GRM4: variants seen among roughly 807,000 people sequenced by gnomAD.
GRM4 encodes metabotropic glutamate receptor 4.
In GRM4, 28 loss-of-function variants were observed where a neutral mutation model predicts 81.7. The observed-to-expected ratio is 0.34, with a 90% confidence interval of 0.25 to 0.47. The LOEUF is 0.47. Ranked by LOEUF, GRM4 falls within the 20% of genes least tolerant of loss-of-function variation. GRM4 has a pLI of 1.00. For synonymous variants in GRM4, 488 were observed against 528.8 expected, an observed-to-expected ratio of 0.92 and a Z score of 1.06; for missense variants, 948 against 1,290.0, an observed-to-expected ratio of 0.73 and a Z score of 4.06.
rs923546741 is a variant in GRM4, at chr6:34,068,975, G to A, written c.737-6947C>T. On this transcript the variant is annotated intron_variant, in intron 3 of 10. Coordinates refer to ENST00000538487, the MANE Select transcript of GRM4 (RefSeq NM_000841.4). This position sits in a 1 kb window ranked among gnomAD's most constrained non-coding sequence, Gnocchi z 4.2. ...TAAAAAGAGAGGAAAATAATGAAAA[G>A]ACAAACCCTAGGAATTCAAGTGGAA... 6.6e-6 allele frequency among the ~76,000 whole-genome samples: 1 copy of A among 151,964 alleles called. No individual in the cohort carries two copies. Among genetic ancestry groups the A allele is most frequent in the African/African-American group, 2.4e-5 (1 of 41,350 alleles).
rs760960528 is a variant in GRM4, at chr6:34,036,288, T to C, written c.1822A>G (p.Thr608Ala). The change falls in exon 9 of 11, where the codon ACC becomes GCC. Residue 608 changes from threonine to alanine, a missense_variant. By Grantham distance (58) the Thr-to-Ala change is moderately conservative. Coordinates refer to ENST00000538487, the MANE Select transcript of GRM4 (RefSeq NM_000841.4). The surrounding 1 kb of genome is among the most constrained non-coding windows in gnomAD (Gnocchi z 9.0). ...GGCGTGTCGTTGTAGCGCACAAAGGTGATCACCACGAACAACGTGGCAGCG... is the reference window on the plus strand; with the variant it reads ...GGCGTGTCGTTGTAGCGCACAAAGGCGATCACCACGAACAACGTGGCAGCG... ...GIAATLFVVI[T>A]FVRYNDTPIV... 6.2e-7 allele frequency: 1 copy of C among 1,613,880 alleles called. No individual in the cohort carries two copies.
chr6:34,085,727 A>G (rs1272991208), intron 3 of GRM4, among the ~76,000 whole-genome samples: 4 of 152,210 alleles, frequency 2.6e-5, no homozygotes, highest in African/African-American at 9.6e-5. Flanking sequence ...ACAGATTAAA[A>G]TCTCTGCCTT....
At chr6:34,023,172 G>C (rs1763973773) in intron 10 of GRM4, among the ~76,000 whole-genome samples, 3 of 152,202 alleles carry the variant, frequency 2.0e-5, no homozygotes, top group African/African-American at 7.2e-5. Flanking sequence ...TTGTACTCTA[G>C]AGATGACTCC....
chr6:34,143,091 T>C (rs776000988), intron 1 of GRM4, among the ~76,000 whole-genome samples: 4 of 152,200 alleles, frequency 2.6e-5, no homozygotes, highest in Non-Finnish European at 4.4e-5. Flanking sequence ...GTCCCTGAAG[T>C]GGCTAAGGTG....
At chr6:34,031,982 A>AAC (rs143044272) in intron 9 of GRM4, among the ~76,000 whole-genome samples, 25 of 147,166 alleles carry the variant, frequency 1.7e-4, no homozygotes, top group East Asian at 1.2e-3. Flanking sequence ...CACACACACA[A>AAC]ACACACACAC....
At chr6:34,026,796 C>T (rs1350467785) in intron 10 of GRM4, among the ~76,000 whole-genome samples, 1 of 152,182 alleles carries the variant, frequency 6.6e-6, no homozygotes, top group African/African-American at 2.4e-5. Flanking sequence ...CAGGGTGTCA[C>T]CTCCGGGAGG....
rs3222082 is a variant in GRM4, at chr6:34,069,647, AGTGTGTGTGTGTGT to A, written c.737-7633_737-7620del. 1.5e-3 allele frequency among the ~76,000 whole-genome samples: 220 copies of A among 144,496 alleles called. 1 individual carries two copies. Among genetic ancestry groups the A allele is most frequent in the Middle Eastern group, 6.9e-3 (2 of 288 alleles). 94.8% of individuals were successfully genotyped at this position (144,496 alleles called of 152,430 possible). A position where few individuals can be genotyped will look rare whatever the true frequency, so the allele number is the denominator to read the frequency against. ...GGCTTTACAACCCTTGGCAGCCCCC[AGTGTGTGTGTGTGT>A]GTGTGTGTGTGTGTGTGTGTGTGTG... is the stretch of plus-strand genomic sequence containing the variant. On this transcript the variant is annotated intron_variant, in intron 3 of 10. Coordinates refer to ENST00000538487, the MANE Select transcript of GRM4 (RefSeq NM_000841.4). The surrounding 1 kb of genome is among the most constrained non-coding windows in gnomAD (Gnocchi z 6.4).
intron 6 of GRM4, chr6:34,054,168 T>C (rs1050374393): frequency 5.3e-5 from 8 of 151,438 alleles, no homozygotes; most frequent in African/African-American, 1.9e-4. Context: ...TCTTTTTTTT[T>C]TTTTTTTTTT....
At chr6:34,024,116 G>A (rs1280035165) in intron 10 of GRM4, 1 of 152,764 alleles carries the variant, frequency 6.5e-6, no homozygotes, top group Non-Finnish European at 1.5e-5. Flanking sequence ...AAGTGTGGTG[G>A]TCTACAAATT....
chr6:34,056,432 CCACGGCCGGCCGACGA>C, intron 6 of GRM4, 96 bp downstream of exon 6: 4 of 1,001,642 alleles, frequency 4.0e-6, no homozygotes, highest in Non-Finnish European at 5.8e-6. Context: ...GCACGTCCTG[CCACGGCCGGCCGACGA>C]CAGACAAAGG....
intron 2 of GRM4, among the ~76,000 whole-genome samples, chr6:34,120,829 T>G (rs189009877): frequency 2.0e-5 from 3 of 152,146 alleles, no homozygotes; most frequent in Non-Finnish European, 2.9e-5. Context: ...CTCCTGACCT[T>G]GTGATCCGCC....
chr6:34,133,776 G>T lies in GRM4; in HGVS notation c.-280C>A. The T allele has an allele frequency of 8.2e-7, 1 of 1,212,776 alleles. No individual in the cohort carries two copies. The highest frequency in any genetic ancestry group is 4.0e-5 in the South Asian group (1 of 24,898). 75.1% of individuals were successfully genotyped at this position (1,212,776 alleles called of 1,614,324 possible). ...TCCTGCAGGCCTGTTCTCGGTGGAT[G>T]ACTGTGGAAAGGGCAGAATGCTCCT... On this transcript the variant is annotated 5_prime_UTR_variant, in exon 2 of 11. An upstream open reading frame in the 5' UTR gains an earlier in-frame stop. Transcript: ENST00000538487. This position sits in a 1 kb window ranked among gnomAD's most constrained non-coding sequence, Gnocchi z 6.5.
chr6:34,150,390 T>C (rs937945161), upstream of GRM4, among the ~76,000 whole-genome samples: 11 of 151,606 alleles, frequency 7.3e-5, no homozygotes, highest in African/African-American at 2.4e-4. Flanking sequence ...AGAGTGGGGG[T>C]GCAGGACAGA....
chr6:34,055,784 G>A (rs1448530180), intron 6 of GRM4: 1 of 152,180 alleles, frequency 6.6e-6, no homozygotes, highest in Non-Finnish European at 1.5e-5. Flanking sequence ...TCTATCTATG[G>A]GAATTCAAGT....
chr6:34,073,728 A>G (rs750549644), intron 3 of GRM4, among the ~76,000 whole-genome samples: 2 of 152,008 alleles, frequency 1.3e-5, no homozygotes, highest in Non-Finnish European at 2.9e-5. Context: ...TCTCTTCTTA[A>G]CTGAGAAACG....
intron 2 of GRM4, among the ~76,000 whole-genome samples, chr6:34,093,576 G>A (rs1768354231): frequency 6.6e-6 from 1 of 152,206 alleles, no homozygotes; most frequent in South Asian, 2.1e-4. Flanking sequence ...CATCGGGGTG[G>A]CAGGTGGTGT....
chr6:34,146,213 A>T, upstream of GRM4: 1 of 877,560 alleles, frequency 1.1e-6, no homozygotes, highest in Non-Finnish European at 1.4e-6. Flanking sequence ...ACTGCTCCTG[A>T]TTCAAGTATA....
intron 2 of GRM4, among the ~76,000 whole-genome samples, chr6:34,116,114 C>T (rs114799974): frequency 6.6e-6 from 1 of 152,108 alleles, no homozygotes; most frequent in Non-Finnish European, 1.5e-5. Context: ...ATTCAACAAC[C>T]CCCGGACTAG....
chr6:34,146,356 C>T (rs966133850), upstream of GRM4, among the ~76,000 whole-genome samples: 1 of 152,206 alleles, frequency 6.6e-6, no homozygotes, highest in African/African-American at 2.4e-5. Context: ...ACACCCCACC[C>T]GCTGGTCTCC....
Sources: gnomAD v4.1 joint callset for allele counts (sites outside exome capture counted in the v4.1 genomes callset) on GRCh38, gnomAD v4.1.1 for gene constraint, Gnocchi (gnomAD v3.1) non-coding constraint, MANE v1.5 for transcripts, NCBI Gene and HGNC (gene_info 2026-07-23, HGNC 2026-07-21) for gene names.